Variants in RBFOX3 observed in about 807,000 individuals in gnomAD.
RBFOX3 encodes the protein RNA binding fox-1 homolog 3.
In RBFOX3, 17 loss-of-function variants were observed where a neutral mutation model predicts 48.7. That is an observed-to-expected ratio of 0.35 (90% CI 0.24 to 0.52). The LOEUF (loss-of-function observed/expected upper bound fraction) is 0.52, where lower values mean the gene tolerates loss of function less well. RBFOX3 is among the 20% of genes least tolerant of loss of function. The pLI is 0.94. For missense variants in RBFOX3, 382 were observed against 497.5 expected (o/e 0.77, Z 2.21); for synonymous variants, 212 against 209.5 (o/e 1.01, Z -0.10).
chr17:79,503,943 G>A (rs2082714166), intron 1 of RBFOX3, among the ~76,000 whole-genome samples: 1 of 152,162 alleles, frequency 6.6e-6, no homozygotes, highest in Non-Finnish European at 1.5e-5. Flanking sequence ...CGGAGCTTGT[G>A]CACACCCACC....
intron 1 of RBFOX3, among the ~76,000 whole-genome samples, chr17:79,549,016 T>C (rs2090853869): frequency 6.6e-6 from 1 of 152,224 alleles, no homozygotes; most frequent in Admixed American, 6.5e-5. Flanking sequence ...GGTGGAATTG[T>C]GGTCACTAGT....
chr17:79,389,844 G>A (rs983828651), intron 2 of RBFOX3, among the ~76,000 whole-genome samples: 2 of 152,216 alleles, frequency 1.3e-5, no homozygotes, highest in African/African-American at 4.8e-5. Flanking sequence ...AGGGGGCCAG[G>A]GCCATGCTCA....
intron 1 of RBFOX3, among the ~76,000 whole-genome samples, chr17:79,539,947 A>C (rs1016446212): frequency 3.7e-4 from 56 of 152,286 alleles, no homozygotes; most frequent in Non-Finnish European, 8.2e-4. Context: ...ATACAAAAAA[A>C]CCTTTGTCAT....
In RBFOX3 at chr17:79,421,886, A is replaced by G. The variant is rs2066459704; in HGVS notation, c.-175+60568T>C. ...CGAGGCTCATGGGTTCCAGGAACCC[A>G]CGCCCCACCCCAAGCTGCCCGGTCC... is the stretch of plus-strand genomic sequence containing the variant. On this transcript the variant is annotated intron_variant, in intron 2 of 14. Transcript: ENST00000693108. This position sits in a 1 kb window ranked among gnomAD's most constrained non-coding sequence, Gnocchi z 4.5. 6.6e-6 allele frequency among the ~76,000 whole-genome samples: 1 copy of G among 152,006 alleles called. No homozygotes were observed. The highest frequency in any genetic ancestry group is 1.5e-5 in the Non-Finnish European group (1 of 67,986).
chr17:79,354,631 A>T (rs2147091850), intron 2 of RBFOX3, among the ~76,000 whole-genome samples: 1 of 152,346 alleles, frequency 6.6e-6, no homozygotes, highest in East Asian at 1.9e-4. Flanking sequence ...GAGGCGTGGA[A>T]CAGACTGCGC....
chr17:79,120,699 T>TGAGTGGGTGGGTGGATGGAA (rs2035480060), intron 4 of RBFOX3, among the ~76,000 whole-genome samples: 1 of 54,962 alleles, frequency 1.8e-5, no homozygotes, highest in Non-Finnish European at 3.5e-5. Context: ...GATAGATGGG[T>TGAGTGGGTGGGTGGATGGAA]GGGTGGGTGG....
the RBFOX3 span, among the ~76,000 whole-genome samples, chr17:79,620,573 GCACACACGCACGCA>G: frequency 0.023 from 1,975 of 84,984 alleles, 47 homozygotes; most frequent in East Asian, 0.071. Context: ...ACCCGCGCGT[GCACACACGCACGCA>G]CACACACGCA....
intron 4 of RBFOX3, among the ~76,000 whole-genome samples, chr17:79,129,070 TC>T (rs1189483327): frequency 2.0e-5 from 3 of 151,672 alleles, no homozygotes; most frequent in Admixed American, 1.3e-4. Flanking sequence ...CATCACTGAG[TC>T]CCCAGGGGCT....
chr17:79,118,894 T>G (rs1252233278), intron 4 of RBFOX3, among the ~76,000 whole-genome samples: 1 of 151,306 alleles, frequency 6.6e-6, no homozygotes, highest in Non-Finnish European at 1.5e-5. Context: ...GGATCATCAC[T>G]TGAGCCTGGA....
chr17:79,275,049 T>C (rs1196489949), intron 3 of RBFOX3, among the ~76,000 whole-genome samples: 2 of 140,142 alleles, frequency 1.4e-5, no homozygotes, highest in African/African-American at 5.3e-5. Flanking sequence ...CCTTAGACTC[T>C]TGGCTGTGCT....
At chr17:79,636,180 A>G in the RBFOX3 span, among the ~76,000 whole-genome samples, 1 of 152,192 alleles carries the variant, frequency 6.6e-6, no homozygotes, top group Non-Finnish European at 1.5e-5. Context: ...AGATAGAGCT[A>G]TATGTGCTGA....
chr17:79,442,761 T>C (rs1555735904), intron 2 of RBFOX3, among the ~76,000 whole-genome samples: 2 of 147,118 alleles, frequency 1.4e-5, no homozygotes, highest in Non-Finnish European at 3.0e-5. Flanking sequence ...AGGGGCAGAC[T>C]GGGGTGGGGG....
At chr17:79,505,601 C>A (rs893047693) in intron 1 of RBFOX3, among the ~76,000 whole-genome samples, 66 of 152,264 alleles carry the variant, frequency 4.3e-4, no homozygotes, top group Admixed American at 1.4e-3. Context: ...GAGACATGGG[C>A]ACTGTCAGAG....
chr17:79,290,415 C>A (rs996493158), intron 3 of RBFOX3, among the ~76,000 whole-genome samples: 2 of 152,038 alleles, frequency 1.3e-5, no homozygotes, highest in African/African-American at 2.4e-5. Context: ...AGTAGAGATT[C>A]GTGATTTTCC....
intron 1 of RBFOX3, among the ~76,000 whole-genome samples, chr17:79,574,717 C>G (rs1312996423): frequency 1.3e-5 from 2 of 152,178 alleles, no homozygotes; most frequent in East Asian, 3.8e-4. Flanking sequence ...CTTTACTTTC[C>G]TAATAAACTT....
rs2078695693 is a variant in RBFOX3 at position 79,480,972 on chromosome 17, G to T, written c.-175+1482C>A. Among the ~76,000 whole-genome samples, 1 of 152,230 alleles carries T rather than the reference G, an allele frequency of 6.6e-6. No individual in the cohort carries two copies. The highest frequency in any genetic ancestry group is 1.5e-5 in the Non-Finnish European group (1 of 68,048). On this transcript the variant is annotated intron_variant, in intron 2 of 14. Coordinates refer to ENST00000693108, the MANE Select transcript of RBFOX3 (RefSeq NM_001350451.2). This position sits in a 1 kb window ranked among gnomAD's most constrained non-coding sequence, Gnocchi z 4.8. ...CTCAGCACATCGGGGGCTCAAGGTT[G>T]TGGAATGAACAATGTAGGGCAGTCT...
chr17:79,532,167 G>A (rs1024937975), intron 1 of RBFOX3, among the ~76,000 whole-genome samples: 5 of 151,292 alleles, frequency 3.3e-5, no homozygotes, highest in Non-Finnish European at 5.9e-5. Flanking sequence ...TGTCCTCGGG[G>A]CAAATGATCT....
chr17:79,224,468 T>C (rs1289185517), intron 4 of RBFOX3, among the ~76,000 whole-genome samples: 1 of 152,184 alleles, frequency 6.6e-6, no homozygotes, highest in East Asian at 1.9e-4. Context: ...GCCATTTCCT[T>C]TAGGGTGCAT....
chr17:79,315,122 T>G (rs1259966255), intron 2 of RBFOX3, among the ~76,000 whole-genome samples: 1 of 152,208 alleles, frequency 6.6e-6, no homozygotes, highest in Non-Finnish European at 1.5e-5. Flanking sequence ...CACAGTGTTT[T>G]CTATGATTAG....
Sources: allele counts gnomAD v4.1 joint callset (sites outside exome capture counted in the v4.1 genomes callset), GRCh38; gene constraint gnomAD v4.1.1; non-coding constraint Gnocchi (gnomAD v3.1); transcripts MANE v1.5; gene names NCBI Gene and HGNC (gene_info 2026-07-23, HGNC 2026-07-21).